WNK1: variants seen among roughly 807,000 people sequenced by gnomAD.
WNK1 encodes the protein WNK lysine deficient protein kinase 1.
A neutral mutation model predicts 222.8 loss-of-function variants in WNK1; 38 were observed. That is an observed-to-expected ratio of 0.17 (90% CI 0.13 to 0.22). The LOEUF is 0.22. WNK1 is among the 10% of genes least tolerant of loss of function. The pLI, the probability that WNK1 is intolerant of heterozygous loss-of-function variation, is 1.00. For synonymous variants in WNK1, 1,090 were observed against 1,092.9 expected, an observed-to-expected ratio of 1.00 and a Z score of 0.05; for missense variants, 2,348 against 2,918.4, an observed-to-expected ratio of 0.80 and a Z score of 4.50.
At chr12:893,029 T>A (rs1954401518) in intron 22 of WNK1, among the ~76,000 whole-genome samples, 1 of 151,842 alleles carries the variant, frequency 6.6e-6, no homozygotes, top group African/African-American at 2.4e-5. Flanking sequence ...CCAAAGCAGG[T>A]GGATTGCTTG....
chr12:848,613 C>T (rs1383896622), intron 4 of WNK1, among the ~76,000 whole-genome samples: 1 of 146,512 alleles, frequency 6.8e-6, no homozygotes, highest in Non-Finnish European at 1.5e-5. Flanking sequence ...TGTTAAGAGC[C>T]CATAGAGAAT....
Position 884,978 on chromosome 12 carries a change from G to T in WNK1, c.4174G>T (p.Val1392Leu). 1 of 1,614,200 alleles carries T rather than the reference G, an allele frequency of 6.2e-7. No homozygotes were observed. The highest frequency in any genetic ancestry group is 1.3e-5 in the African/African-American group (1 of 75,032). ...GIAGVATSTGVVTSGGLPIPP... is the reference protein window; with the variant it reads ...GIAGVATSTGLVTSGGLPIPP... ...TGCTGGAGTTGCCACCAGCACAGGT[G>T]TGGTAACTTCAGGTGGTCTCCCCAT... Residue 1392 changes from valine (V) to leucine (L), a missense_variant, in exon 19 of 28, where the codon GTG becomes TTG. Around this residue, in one of 13 missense-constraint regions of WNK1, gnomAD observed 1,144 missense variants for 1,273.6 expected, o/e 0.90. Coordinates refer to ENST00000315939, the MANE Select transcript of WNK1 (RefSeq NM_018979.4). The surrounding 1 kb of genome is among the most constrained non-coding windows in gnomAD (Gnocchi z 5.6).
intron 1 of WNK1, among the ~76,000 whole-genome samples, chr12:768,228 C>T (rs1316922456): frequency 1.3e-5 from 2 of 152,096 alleles, no homozygotes; most frequent in East Asian, 1.9e-4. Flanking sequence ...CTCCATCTCC[C>T]GGGTTCAGGC....
At position 807,795 on chromosome 12, in the gene WNK1, C is replaced by G. The variant is rs1426605605; in HGVS notation, c.760-5847C>G. 2.8e-5 allele frequency among the ~76,000 whole-genome samples: 4 copies of G among 143,144 alleles called. No homozygotes were observed. The East Asian group carries it at 8.7e-4, about 31-fold the overall frequency. 93.9% of individuals were successfully genotyped at this position (143,144 alleles called of 152,430 possible). ...AGTGCAGTGGCGCAATCTCGGCTCA[C>G]TGCAAGCTCCGCCTCCCGGGTTCAC... On this transcript the variant is annotated intron_variant, in intron 1 of 27. Transcript: ENST00000315939.
At chr12:871,923 C>T (rs1210399496) in intron 9 of WNK1, among the ~76,000 whole-genome samples, 9 of 152,146 alleles carry the variant, frequency 5.9e-5, no homozygotes, top group Non-Finnish European at 8.8e-5. Flanking sequence ...ACATAATTTA[C>T]GGTACAAAGA....
intron 1 of WNK1, among the ~76,000 whole-genome samples, chr12:781,450 C>A (rs539035686): frequency 5.7e-4 from 87 of 152,292 alleles, no homozygotes; most frequent in African/African-American, 2.0e-3. Context: ...TGTCACTGTT[C>A]ATTAATCATA....
At chr12:804,910 TTATA>T (rs936627743) in intron 1 of WNK1, among the ~76,000 whole-genome samples, 1 of 125,790 alleles carries the variant, frequency 7.9e-6, no homozygotes, top group African/African-American at 2.9e-5. Context: ...TTTTTATATT[TTATA>T]TATATAATTA....
At chr12:844,820 A>G (rs1162134105) in intron 4 of WNK1, among the ~76,000 whole-genome samples, 1 of 151,450 alleles carries the variant, frequency 6.6e-6, no homozygotes, top group African/African-American at 2.4e-5. Context: ...TAGATAATAT[A>G]ATTTATATAA....
chr12:898,468 G>A (rs1259809783), intron 25 of WNK1, among the ~76,000 whole-genome samples: 5 of 140,662 alleles, frequency 3.6e-5, no homozygotes, highest in East Asian at 4.3e-4. Context: ...CGGTGACAGA[G>A]CAAGACTCTG....
At chr12:782,853 A>G (rs1312022914) in intron 1 of WNK1, among the ~76,000 whole-genome samples, 1 of 151,724 alleles carries the variant, frequency 6.6e-6, no homozygotes, top group Non-Finnish European at 1.5e-5. Flanking sequence ...GGTGGAATTA[A>G]TTTCATGAAT....
intron 26 of WNK1, among the ~76,000 whole-genome samples, chr12:907,354 T>C (rs1265451969): frequency 6.6e-6 from 1 of 150,378 alleles, no homozygotes; most frequent in East Asian, 1.9e-4. Flanking sequence ...AATGTGGCAG[T>C]GTCCAATGGT....
chr12:791,085 G>T (rs191816108), intron 1 of WNK1, among the ~76,000 whole-genome samples: 36 of 151,908 alleles, frequency 2.4e-4, no homozygotes, highest in Admixed American at 1.5e-3. Flanking sequence ...TGAAAAAGGG[G>T]GTATAAAACC....
In WNK1 at chr12:827,468, G is replaced by A. The variant is rs373361392; in HGVS notation, c.1153+206G>A. 12 of 590,874 alleles carry A rather than the reference G, an allele frequency of 2.0e-5. No homozygotes were observed. Among genetic ancestry groups the A allele is most frequent in the South Asian group, 8.7e-5 (4 of 45,736 alleles). 36.6% of individuals were successfully genotyped at this position (590,874 alleles called of 1,614,324 possible). On this transcript the variant is annotated intron_variant, in intron 3 of 27. Coordinates refer to ENST00000315939, the MANE Select transcript of WNK1 (RefSeq NM_018979.4). The surrounding 1 kb of genome is among the most constrained non-coding windows in gnomAD (Gnocchi z 4.6). The stretch of plus-strand genomic sequence containing the variant: ...TCTTAGAGACTATTGGTAACATTAC[G>A]TTACAAGAAATAAAGTGAACTTTGT...
At chr12:876,277 C>T (rs1040876364) in intron 9 of WNK1, among the ~76,000 whole-genome samples, 3 of 152,078 alleles carry the variant, frequency 2.0e-5, no homozygotes, top group Non-Finnish European at 2.9e-5. Flanking sequence ...GGCGTGGTGG[C>T]AGGCGCCTGT....
chr12:789,674 C>T (rs1042650401), intron 1 of WNK1, among the ~76,000 whole-genome samples: 2 of 151,916 alleles, frequency 1.3e-5, no homozygotes, highest in Non-Finnish European at 2.9e-5. Flanking sequence ...AGGTGTATGC[C>T]ACCAAACGCC....
Position 904,400 on chromosome 12 carries a change from T to C in WNK1, c.6644-3447T>C, listed in dbSNP as rs72650788. On this transcript the variant is annotated intron_variant, in intron 26 of 27. Coordinates refer to ENST00000315939, the MANE Select transcript of WNK1 (RefSeq NM_018979.4). ...GTGCTGTTTGGAGATTCTAAATATT[T>C]TACACTGATGTTTCTTTATCTTTAA... is the stretch of plus-strand genomic sequence containing the variant. The C allele has an allele frequency of 3.8e-4, 488 of 1,270,636 alleles. 3 individuals carry two copies. In the African/African-American group the frequency reaches 6.5e-3, roughly 17 times the overall value. The allele number at this position is 1,270,636 out of a possible 1,614,324, so 78.7% of individuals were successfully genotyped here.
intron 2 of WNK1, among the ~76,000 whole-genome samples, chr12:818,885 C>T (rs1422131384): frequency 6.6e-6 from 1 of 152,198 alleles, no homozygotes; most frequent in Non-Finnish European, 1.5e-5. Flanking sequence ...AACATTTGGG[C>T]TGTATCCACC....
chr12:911,201 TTGAG>T lies in WNK1; in HGVS notation c.*2411_*2414del, dbSNP rs533525466. ...ATTATTTTTGTGTTAATAGTACACTTTGAGTATCTTTTTCCACATTAAAAACTTT... is the reference window on the plus strand; with the variant it reads ...ATTATTTTTGTGTTAATAGTACACTTTATCTTTTTCCACATTAAAAACTTT... On this transcript the variant is annotated 3_prime_UTR_variant, in exon 28 of 28. Coordinates refer to ENST00000315939, the MANE Select transcript of WNK1 (RefSeq NM_018979.4). The T allele has an allele frequency of 5.3e-5, 21 of 398,208 alleles. No individual in the cohort carries two copies. In the South Asian group the frequency reaches 6.5e-4, roughly 12 times the overall value. The allele number at this position is 398,208 out of a possible 1,614,324, so 24.7% of individuals were successfully genotyped here.
At position 879,962 on chromosome 12, in the gene WNK1, C is replaced by T; in HGVS notation, c.2763C>T (p.Ser921=). Residue 921 remains serine (S), a synonymous_variant, in exon 11 of 28, where the codon TCC becomes TCT. Coordinates refer to ENST00000315939, the MANE Select transcript of WNK1 (RefSeq NM_018979.4). The stretch of plus-strand genomic sequence containing the variant: ...AGCTCCTACAACCAGCAGTTCAGTC[C>T]ATGGGAATACCAGCTAACCTTGGAC... ...HPQLLQPAVQ[S]MGIPANLGQA... is the part of the protein sequence containing the mutation. 6.2e-7 allele frequency: 1 copy of T among 1,614,160 alleles called. No individual in the cohort carries two copies. The highest frequency in any genetic ancestry group is 8.5e-7 in the Non-Finnish European group (1 of 1,180,020).
Sources: gnomAD v4.1 joint callset for allele counts (sites outside exome capture counted in the v4.1 genomes callset) on GRCh38, gnomAD v4.1.1 for gene constraint, gnomAD v4.1.1 regional missense constraint, Gnocchi (gnomAD v3.1) non-coding constraint, MANE v1.5 for transcripts, NCBI Gene and HGNC (gene_info 2026-07-23, HGNC 2026-07-21) for gene names.